TLN2: variants seen among roughly 807,000 people sequenced by gnomAD.
The protein encoded by TLN2 is talin-2.
TLN2 carries 118 observed loss-of-function variants against 294.7 expected under a neutral mutation model. That is an observed-to-expected ratio of 0.40 (90% confidence interval 0.34 to 0.47). TLN2 has a LOEUF of 0.47. TLN2 is among the 20% of genes least tolerant of loss of function. The pLI, the probability that TLN2 is intolerant of heterozygous loss-of-function variation, is 0.84. For missense variants in TLN2, 3,083 were observed against 3,282.2 expected, an observed-to-expected ratio of 0.94 and a Z score of 1.48; for synonymous variants, 1,431 against 1,304.5, an observed-to-expected ratio of 1.10 and a Z score of -2.09.
At chr15:62,835,643 A>G (rs530343976) in intron 55 of TLN2, 94 bp from the exon 56 acceptor site, 3 of 1,391,874 alleles carry the variant, frequency 2.2e-6, no homozygotes, top group Non-Finnish European at 3.1e-6. Flanking sequence ...CAAGCGGGGT[A>G]CAAGTCTGGT....
chr15:62,623,670 A>T (rs1378123264), intron 3 of TLN2, among the ~76,000 whole-genome samples: 1 of 152,208 alleles, frequency 6.6e-6, no homozygotes, highest in Admixed American at 6.5e-5. Context: ...CTCAAAACAT[A>T]CATTTCCTTC....
Position 62,701,985 on chromosome 15 carries a change from G to T in TLN2, c.1697-7G>T. Reference sequence around the variant, plus strand: ...CCTTTGATGGGGATGGTTCTTTTCTGTGCCAGGTGACCCTGCAGACACTGA... The same window carrying T: ...CCTTTGATGGGGATGGTTCTTTTCTTTGCCAGGTGACCCTGCAGACACTGA... On this transcript the variant is annotated splice_region_variant and splice_polypyrimidine_tract_variant and intron_variant, in intron 17 of 58. Transcript: ENST00000636159. 6.2e-7 allele frequency: 1 copy of T among 1,613,828 alleles called. No individual in the cohort carries two copies. The highest frequency in any genetic ancestry group is 2.2e-5 in the East Asian group (1 of 44,880).
chr15:62,780,700 A>G (rs1261772967), intron 43 of TLN2, among the ~76,000 whole-genome samples: 2 of 152,192 alleles, frequency 1.3e-5, no homozygotes, highest in Non-Finnish European at 2.9e-5. Flanking sequence ...GGACTCGACC[A>G]TTCCTCAGGA....
At chr15:62,589,512 G>A (rs562309574) in intron 1 of TLN2, among the ~76,000 whole-genome samples, 175 bp from the exon 2 acceptor site, 1 of 152,278 alleles carries the variant, frequency 6.6e-6, no homozygotes, top group Admixed American at 6.5e-5. Flanking sequence ...AGTGTCTTGG[G>A]ACCTGAATTC....
intron 49 of TLN2, 66 bp downstream of exon 49, chr15:62,800,559 G>T: frequency 6.2e-7 from 1 of 1,609,794 alleles, no homozygotes; most frequent in South Asian, 1.1e-5. Flanking sequence ...AAGGAGAGGC[G>T]TCCTTGCTCA....
intron 14 of TLN2, among the ~76,000 whole-genome samples, chr15:62,696,965 A>T (rs144461264): frequency 3.9e-5 from 6 of 152,188 alleles, no homozygotes; most frequent in Admixed American, 1.3e-4. Context: ...TGTATCTCTG[A>T]TGCCTAGAAT....
chr15:62,610,990 C>G (rs565777145), intron 2 of TLN2, among the ~76,000 whole-genome samples: 19 of 152,262 alleles, frequency 1.2e-4, no homozygotes, highest in African/African-American at 4.1e-4. Flanking sequence ...CCATGGCACC[C>G]CCTCCTGCAT....
chr15:62,455,963 C>T (rs930210477), intron 1 of TLN2, among the ~76,000 whole-genome samples: 3 of 152,036 alleles, frequency 2.0e-5, no homozygotes, highest in Non-Finnish European at 4.4e-5. Context: ...CAGCCCTGCT[C>T]CTGGGGGTTA....
chr15:62,666,152 T>A (rs2140984576), intron 9 of TLN2, among the ~76,000 whole-genome samples: 1 of 152,302 alleles, frequency 6.6e-6, no homozygotes, highest in African/African-American at 2.4e-5. Context: ...AAAGGACATT[T>A]GGATTGGTTC....
intron 46 of TLN2, 29 bp downstream of exon 46, chr15:62,792,816 C>T (rs373928728): frequency 8.7e-6 from 14 of 1,612,040 alleles, no homozygotes; most frequent in African/African-American, 2.7e-5. Flanking sequence ...TTTAGAGTCA[C>T]AAGAACCTGC....
chr15:62,619,738 G>A (rs993265071), intron 3 of TLN2, among the ~76,000 whole-genome samples: 4 of 152,186 alleles, frequency 2.6e-5, no homozygotes, highest in Non-Finnish European at 5.9e-5. Context: ...AAGCTGAAAG[G>A]AGAAAGGAAG....
At chr15:62,503,745 C>G (rs1476212811) in intron 1 of TLN2, among the ~76,000 whole-genome samples, 1 of 152,164 alleles carries the variant, frequency 6.6e-6, no homozygotes, top group Admixed American at 6.5e-5. Context: ...TTTTCATCAT[C>G]TTTATTGGTT....
chr15:62,647,382 T>G lies in TLN2; in HGVS notation c.72T>G (p.Ser24=), dbSNP rs759722896. ...TGAAGACCATGCAGTTTGAACCATC[T>G]ACAGCTGTGTACGATGCGTGTCGAG... ...NVVKTMQFEP[S]TAVYDACRVI... is the part of the protein sequence containing the mutation. The change falls in exon 4 of 59, where the codon TCT becomes TCG. Residue 24 remains serine, a synonymous_variant. Transcript: ENST00000636159. The G allele has an allele frequency of 6.8e-5, 109 of 1,614,124 alleles. No individual in the cohort carries two copies. The highest frequency in any genetic ancestry group is 8.8e-5 in the Non-Finnish European group (104 of 1,180,040).
intron 1 of TLN2, among the ~76,000 whole-genome samples, chr15:62,446,142 G>A (rs1363864159): frequency 1.3e-5 from 2 of 152,124 alleles, no homozygotes; most frequent in Middle Eastern, 3.4e-3. Flanking sequence ...GAGTAGCTGA[G>A]ACTACAGGCG....
intron 1 of TLN2, among the ~76,000 whole-genome samples, chr15:62,576,525 C>T (rs372805347): frequency 6.0e-5 from 9 of 149,712 alleles, no homozygotes; most frequent in African/African-American, 1.2e-4. Context: ...GGAGGGAGCG[C>T]GAGAATTGCT....
At chr15:62,515,950 A>G (rs1298478113) in intron 1 of TLN2, among the ~76,000 whole-genome samples, 4 of 152,126 alleles carry the variant, frequency 2.6e-5, no homozygotes, top group South Asian at 2.1e-4. Context: ...TGAACCCCCT[A>G]TGCAACAAGA....
chr15:62,572,432 G>A lies in TLN2; in HGVS notation c.-237-17255G>A, dbSNP rs527808754. Among the ~76,000 whole-genome samples, 7 of 152,178 alleles carry A rather than the reference G, an allele frequency of 4.6e-5. No homozygotes were observed. The East Asian group carries it at 7.7e-4, about 17-fold the overall frequency. On this transcript the variant is annotated intron_variant, in intron 1 of 58. Transcript: ENST00000636159. ...ATTTTTTGTTTTTATTTTTTGTAAAGACAGGTTCTCACTCTGTTGCCCAGG... is the reference window on the plus strand; with the variant it reads ...ATTTTTTGTTTTTATTTTTTGTAAAAACAGGTTCTCACTCTGTTGCCCAGG...
At chr15:62,834,465 C>T (rs2069244433) in intron 55 of TLN2, 1 of 152,104 alleles carries the variant, frequency 6.6e-6, no homozygotes, top group Non-Finnish European at 1.5e-5. Flanking sequence ...TGTGTCTTGA[C>T]CCAAGAACTC....
chr15:62,812,307 G>T (rs2066752077), intron 52 of TLN2, among the ~76,000 whole-genome samples: 1 of 152,120 alleles, frequency 6.6e-6, no homozygotes, highest in African/African-American at 2.4e-5. Flanking sequence ...ATTTTCTCCA[G>T]CACCTGTGCA....
Sources: gnomAD v4.1 joint callset for allele counts (sites outside exome capture counted in the v4.1 genomes callset) on GRCh38, gnomAD v4.1.1 for gene constraint, MANE v1.5 for transcripts, NCBI Gene and HGNC (gene_info 2026-07-23, HGNC 2026-07-21) for gene names.